The following ADAMTS2 variants were observed in gnomAD, a reference collection of about 807,000 sequenced individuals.
ADAMTS2 encodes ADAM metallopeptidase with thrombospondin type 1 motif 2, also known as A disintegrin and metalloproteinase with thrombospondin motifs 2.
A neutral mutation model predicts 123.0 loss-of-function variants in ADAMTS2; 50 were observed. The observed-to-expected ratio is 0.41, with a 90% CI of 0.32 to 0.51. The LOEUF is 0.51. ADAMTS2 is among the 20% of genes least tolerant of loss of function. The pLI is 0.35. For synonymous variants in ADAMTS2, 678 were observed against 695.4 expected (o/e 0.98, Z 0.39); for missense variants, 1,494 against 1,705.2 (o/e 0.88, Z 2.18).
At chr5:179,137,345 T>C (rs373990369) in intron 12 of ADAMTS2, among the ~76,000 whole-genome samples, 3 of 152,308 alleles carry the variant, frequency 2.0e-5, no homozygotes, top group Admixed American at 6.5e-5. Context: ...CTGAAACCGG[T>C]TGGAGTCAAC....
chr5:179,164,048 C>A (rs1039934951), intron 5 of ADAMTS2, among the ~76,000 whole-genome samples: 1 of 152,176 alleles, frequency 6.6e-6, no homozygotes, highest in Admixed American at 6.5e-5. Flanking sequence ...GCAGGGGGTA[C>A]CCCAAGAAGT....
chr5:179,193,880 G>A (rs1006299058), intron 4 of ADAMTS2, among the ~76,000 whole-genome samples: 2 of 152,110 alleles, frequency 1.3e-5, no homozygotes, highest in African/African-American at 2.4e-5. Context: ...TCAGCTCCAG[G>A]GGCAGCCTGG....
In ADAMTS2 at chr5:179,118,418, C is replaced by G. The variant is rs1042704322; in HGVS notation, c.3178+3243G>C. Among the ~76,000 whole-genome samples, 1 of 152,116 alleles carries G rather than the reference C, an allele frequency of 6.6e-6. No individual in the cohort carries two copies. The highest frequency in any genetic ancestry group is 2.4e-5 in the African/African-American group (1 of 41,416). On this transcript the variant is annotated intron_variant, in intron 21 of 21. Transcript: ENST00000251582. This position sits in a 1 kb window ranked among gnomAD's most constrained non-coding sequence, Gnocchi z 4.5. The stretch of plus-strand genomic sequence containing the variant: ...GTCTTCGGCCATTTCCAGTAGCAAT[C>G]AAGTAGTGAGACCTATTGTCTTCCA...
Position 179,122,510 on chromosome 5 carries a change from G to A in ADAMTS2, c.3088+134C>T, listed in dbSNP as rs1416082600. The A allele has an allele frequency of 4.9e-5, 66 of 1,334,096 alleles. No individual in the cohort carries two copies. In the South Asian group the frequency reaches 5.2e-4, roughly 11 times the overall value. 82.6% of individuals were successfully genotyped at this position (1,334,096 alleles called of 1,614,324 possible). A position where few individuals can be genotyped will look rare whatever the true frequency, so the allele number is the denominator to read the frequency against. On this transcript the variant is annotated intron_variant, in intron 20 of 21. Coordinates refer to ENST00000251582, the MANE Select transcript of ADAMTS2 (RefSeq NM_014244.5). ...TCCCAGACCTGGCCTGCAGTGCCCCGCTTCTCCATGCTCACAGATGTTGAG... is the reference window on the plus strand; with the variant it reads ...TCCCAGACCTGGCCTGCAGTGCCCCACTTCTCCATGCTCACAGATGTTGAG...
rs2113436223 is a variant in ADAMTS2 at position 179,234,033 on chromosome 5, TCCA to T, written c.689-26321_689-26319del. Reference sequence around the variant, plus strand: ...TCACAATGGTTAAGACCCTCCTGTGTCCAGGACCCCGACTGCCAGGCCCTTCCA... The same window carrying T: ...TCACAATGGTTAAGACCCTCCTGTGTGGACCCCGACTGCCAGGCCCTTCCA... On this transcript the variant is annotated intron_variant, in intron 3 of 21. Transcript: ENST00000251582. The surrounding 1 kb of genome is among the most constrained non-coding windows in gnomAD (Gnocchi z 4.7). Among the ~76,000 whole-genome samples the T allele has an allele frequency of 6.6e-6, 1 of 152,242 alleles. No homozygotes were observed. Among genetic ancestry groups the T allele is most frequent in the South Asian group, 2.1e-4 (1 of 4,828 alleles).
At chr5:179,201,739 T>C (rs1764571617) in intron 4 of ADAMTS2, among the ~76,000 whole-genome samples, 1 of 150,566 alleles carries the variant, frequency 6.6e-6, no homozygotes, top group South Asian at 2.1e-4. Flanking sequence ...GAGGAAGAGG[T>C]TGCAGTGAGC....
intron 5 of ADAMTS2, among the ~76,000 whole-genome samples, chr5:179,171,841 C>T (rs1433456264): frequency 6.6e-6 from 1 of 152,192 alleles, no homozygotes; most frequent in African/African-American, 2.4e-5. Context: ...CCCTGAATTC[C>T]CGGGGTCTGA....
intron 5 of ADAMTS2, among the ~76,000 whole-genome samples, chr5:179,161,570 A>G (rs1203131306): frequency 2.0e-5 from 3 of 152,186 alleles, no homozygotes; most frequent in East Asian, 3.9e-4. Flanking sequence ...GCTGGTTAAC[A>G]TATCCAAAAG....
At chr5:179,291,628 G>A (rs939773450) in intron 2 of ADAMTS2, among the ~76,000 whole-genome samples, 3 of 152,166 alleles carry the variant, frequency 2.0e-5, no homozygotes, top group African/African-American at 2.4e-5. Flanking sequence ...ACCATTAAAC[G>A]AGGTTGAATT....
intron 2 of ADAMTS2, among the ~76,000 whole-genome samples, chr5:179,329,930 T>G (rs1757436035): frequency 6.6e-6 from 1 of 151,456 alleles, no homozygotes; most frequent in Non-Finnish European, 1.5e-5. Context: ...ATCGAGACCA[T>G]CCTGGCTAAC....
Position 179,302,443 on chromosome 5 carries a change from G to A in ADAMTS2, c.535-29379C>T, listed in dbSNP as rs1022916347. On this transcript the variant is annotated intron_variant, in intron 2 of 21. Coordinates refer to ENST00000251582, the MANE Select transcript of ADAMTS2 (RefSeq NM_014244.5). Reference sequence around the variant, plus strand: ...GATAAGGCCCCGGACAACCCAAACTGCAGCAAGATTCTCTGCGGAGGCAGA... The same window carrying A: ...GATAAGGCCCCGGACAACCCAAACTACAGCAAGATTCTCTGCGGAGGCAGA... Among the ~76,000 whole-genome samples, 6 of 143,478 alleles carry A rather than the reference G, an allele frequency of 4.2e-5. No homozygotes were observed. The East Asian group carries it at 6.3e-4, about 15-fold the overall frequency. The allele number at this position is 143,478 out of a possible 152,430, so 94.1% of individuals were successfully genotyped here. A position where few individuals can be genotyped will look rare whatever the true frequency, so the allele number is the denominator to read the frequency against.
At chr5:179,173,770 C>A (rs901681900) in intron 5 of ADAMTS2, among the ~76,000 whole-genome samples, 3 of 152,126 alleles carry the variant, frequency 2.0e-5, no homozygotes, top group Non-Finnish European at 4.4e-5. Context: ...AACCCCAGCA[C>A]TTTGGGAGGC....
intron 2 of ADAMTS2, among the ~76,000 whole-genome samples, chr5:179,315,275 T>C (rs1336510420): frequency 1.3e-5 from 2 of 152,212 alleles, no homozygotes; most frequent in Non-Finnish European, 2.9e-5. Flanking sequence ...AGTTGGCTTC[T>C]GGAAAGCACT....
chr5:179,236,211 C>T (rs1581210729), intron 3 of ADAMTS2, among the ~76,000 whole-genome samples: 2 of 152,332 alleles, frequency 1.3e-5, no homozygotes, highest in East Asian at 3.9e-4. Context: ...GGGGTCTTCC[C>T]TCCCTCCAAG....
At position 179,343,919 on chromosome 5, in the gene ADAMTS2, C is replaced by G. The variant is rs1206975717; in HGVS notation, c.382G>C (p.Ala128Pro). 6.2e-7 allele frequency: 1 copy of G among 1,607,520 alleles called. No homozygotes were observed. Among genetic ancestry groups the G allele is most frequent in the South Asian group, 1.1e-5 (1 of 90,170 alleles). Residue 128 changes from alanine to proline, a missense_variant, in exon 2 of 22, where the codon GCC becomes CCC. Around this residue, in one of 6 missense-constraint regions of ADAMTS2, gnomAD observed 237 missense variants for 233.7 expected, o/e 1.01. Coordinates refer to ENST00000251582, the MANE Select transcript of ADAMTS2 (RefSeq NM_014244.5). Reference protein sequence around the residue: ...RDLHLRLRPNARLVAPGATME... With the variant: ...RDLHLRLRPNPRLVAPGATME... Reference sequence around the variant, plus strand: ...GTGGCCCCGGGCGCCACGAGGCGGGCGTTGGGCCGCAGCCGCAGGTGCAGG... The same window carrying G: ...GTGGCCCCGGGCGCCACGAGGCGGGGGTTGGGCCGCAGCCGCAGGTGCAGG...
At chr5:179,179,672 C>T (rs1764003446) in intron 5 of ADAMTS2, among the ~76,000 whole-genome samples, 1 of 152,138 alleles carries the variant, frequency 6.6e-6, no homozygotes, top group Non-Finnish European at 1.5e-5. Flanking sequence ...TTGGGGTACA[C>T]GAAGGCCTGC....
intron 2 of ADAMTS2, among the ~76,000 whole-genome samples, chr5:179,309,458 A>G (rs1042274713): frequency 6.6e-5 from 10 of 152,198 alleles, no homozygotes; most frequent in African/African-American, 9.6e-5. Context: ...CCAAGCCTGA[A>G]GCCTGGTCCC....
intron 4 of ADAMTS2, among the ~76,000 whole-genome samples, chr5:179,204,268 C>T (rs1174332408): frequency 2.6e-5 from 4 of 152,124 alleles, no homozygotes; most frequent in Non-Finnish European, 2.9e-5. Context: ...ACGGTGGTGG[C>T]GATGGTGGCC....
In ADAMTS2 at chr5:179,170,084, T is replaced by C. The variant is rs767066817; in HGVS notation, c.975+10988A>G. On this transcript the variant is annotated intron_variant, in intron 5 of 21. Coordinates refer to ENST00000251582, the MANE Select transcript of ADAMTS2 (RefSeq NM_014244.5). This position sits in a 1 kb window ranked among gnomAD's most constrained non-coding sequence, Gnocchi z 4.3. ...CTGCTCCCTGGCTGGTGGTATATTG[T>C]ATAAAATAAGATCATCTCTTTTCTT... 2.0e-5 allele frequency among the ~76,000 whole-genome samples: 3 copies of C among 152,222 alleles called. No homozygotes were observed. The highest frequency in any genetic ancestry group is 4.4e-5 in the Non-Finnish European group (3 of 68,038).
Sources: allele counts gnomAD v4.1 joint callset (sites outside exome capture counted in the v4.1 genomes callset), GRCh38; gene constraint gnomAD v4.1.1; regional missense constraint gnomAD v4.1.1; non-coding constraint Gnocchi (gnomAD v3.1); transcripts MANE v1.5; gene names NCBI Gene and HGNC (gene_info 2026-07-23, HGNC 2026-07-21).